The following PWWP2A variants were observed in gnomAD, a reference collection of about 807,000 sequenced individuals.
The protein encoded by PWWP2A is PWWP domain-containing protein 2A.
Under a neutral mutation model 48.5 loss-of-function variants are expected in PWWP2A, and 18 were observed. That is an observed-to-expected ratio of 0.37 (90% CI 0.26 to 0.55). PWWP2A has a LOEUF of 0.55. Ranked by LOEUF, PWWP2A falls within the 20% of genes least tolerant of loss-of-function variation. The pLI, the probability that PWWP2A is intolerant of heterozygous loss-of-function variation, is 0.81. For missense variants in PWWP2A, 867 were observed against 976.4 expected (o/e 0.89, Z 1.49); for synonymous variants, 396 against 387.7 (o/e 1.02, Z -0.25).
chr5:160,089,953 A>T, downstream of PWWP2A: 3 of 985,050 alleles, frequency 3.0e-6, no homozygotes, highest in Non-Finnish European at 3.6e-6. Context: ...CATTGGAATA[A>T]AAGTTTTTAA....
At chr5:160,110,220 C>T (rs1486908797) in intron 1 of PWWP2A, among the ~76,000 whole-genome samples, 1 of 151,726 alleles carries the variant, frequency 6.6e-6, no homozygotes, top group Non-Finnish European at 1.5e-5. Flanking sequence ...GATAGGGTAT[C>T]ACCATGTTGG....
At position 160,110,037 on chromosome 5, in the gene PWWP2A, T is replaced by C. The variant is rs192443917; in HGVS notation, c.584+8768A>G. On this transcript the variant is annotated intron_variant, in intron 1 of 1. Transcript: ENST00000307063. The stretch of plus-strand genomic sequence containing the variant: ...GACAGTCCTTTTTTTTTTTCTTTTT[T>C]TGAGATAGAGTCTTGCTCTGTCACC... 1.1e-3 allele frequency among the ~76,000 whole-genome samples: 164 copies of C among 151,520 alleles called. 1 individual carries two copies. The East Asian group carries it at 0.025, about 23-fold the overall frequency.
intron 1 of PWWP2A, among the ~76,000 whole-genome samples, chr5:160,094,873 C>T (rs535806657): frequency 1.6e-3 from 248 of 151,618 alleles, no homozygotes; most frequent in African/African-American, 5.7e-3. Flanking sequence ...CGGTGAAACC[C>T]CGTCTCTACT....
Position 160,096,607 on chromosome 5 carries a change from G to T in PWWP2A, c.585-2542C>A, listed in dbSNP as rs575240905. Among the ~76,000 whole-genome samples, 52 of 152,270 alleles carry T rather than the reference G, an allele frequency of 3.4e-4. 2 individuals are homozygous for T. The highest frequency in any genetic ancestry group is 7.2e-4 in the Admixed American group (11 of 15,292). ...TCACGTTTCAATACCTGAATGAAGA[G>T]AAGTGCCCTTCCTCTTACTGATTTA... On this transcript the variant is annotated intron_variant, in intron 1 of 1. Transcript: ENST00000307063.
At chr5:160,118,738 G>T in intron 1 of PWWP2A, 67 bp downstream of exon 1, 1 of 1,337,020 alleles carries the variant, frequency 7.5e-7, no homozygotes, top group Non-Finnish European at 9.6e-7. Context: ...GGGAGAGGGG[G>T]CCGCCCGGGC....
intron 5 of PWWP2A, among the ~76,000 whole-genome samples, chr5:160,063,035 T>TGTG (rs1341022062): frequency 6.6e-6 from 1 of 152,192 alleles, no homozygotes; most frequent in Admixed American, 6.5e-5. Context: ...ACAGAACGTG[T>TGTG]GTGTCCCAGG....
At chr5:160,113,255 T>C (rs916891177) in intron 1 of PWWP2A, 6 of 981,042 alleles carry the variant, frequency 6.1e-6, no homozygotes, top group Non-Finnish European at 7.3e-6. Flanking sequence ...GAGTTATGTA[T>C]GTCCAGCTCC....
chr5:160,114,695 C>T (rs897588359), intron 1 of PWWP2A, among the ~76,000 whole-genome samples: 8 of 148,270 alleles, frequency 5.4e-5, no homozygotes, highest in African/African-American at 1.7e-4. Context: ...CCCAGGAGGC[C>T]GAGGTTGCAG....
intron 1 of PWWP2A, among the ~76,000 whole-genome samples, chr5:160,104,122 C>CAAAAAAAAAAAAAAAAA (rs70990703): frequency 3.2e-5 from 2 of 61,758 alleles, no homozygotes; most frequent in Non-Finnish European, 5.7e-5. Context: ...GACTCTGTCT[C>CAAAAAAAAAAAAAAAAA]AAAAAAAAAA....
At chr5:160,048,648 G>C in the PWWP2A span, among the ~76,000 whole-genome samples, 1 of 152,144 alleles carries the variant, frequency 6.6e-6, no homozygotes, top group African/African-American at 2.4e-5. Flanking sequence ...GATTTAACTA[G>C]AAATATAATC....
rs775649945 is a variant in PWWP2A at position 160,091,990 on chromosome 5, ATG to A, written c.*390_*391del. The A allele has an allele frequency of 3.0e-6, 2 of 675,062 alleles. No individual in the cohort carries two copies. The highest frequency in any genetic ancestry group is 3.6e-6 in the Non-Finnish European group (2 of 552,028). 41.8% of individuals were successfully genotyped at this position (675,062 alleles called of 1,614,324 possible). A position where few individuals can be genotyped will look rare whatever the true frequency, so the allele number is the denominator to read the frequency against. ...TATATATGTGTATATATACATATAT[ATG>A]TGTGTATATATACATACACGGATAT... On this transcript the variant is annotated 3_prime_UTR_variant, in exon 2 of 2. Transcript: ENST00000307063.
downstream of PWWP2A, among the ~76,000 whole-genome samples, chr5:160,072,533 C>T (rs1753762978): frequency 6.6e-6 from 1 of 152,130 alleles, no homozygotes; most frequent in African/African-American, 2.4e-5. Context: ...TTTAGAACTA[C>T]CTGGATAACA....
intron 1 of PWWP2A, among the ~76,000 whole-genome samples, chr5:160,118,226 A>G (rs1171032610): frequency 6.6e-6 from 1 of 152,230 alleles, no homozygotes; most frequent in East Asian, 1.9e-4. Context: ...TCTCTGTTGA[A>G]TGGTTAACCT....
rs535110852 is a variant in PWWP2A at position 160,115,137 on chromosome 5, C to CAAAAA, written c.584+3663_584+3667dup. On this transcript the variant is annotated intron_variant, in intron 1 of 1. Coordinates refer to ENST00000307063, the MANE Select transcript of PWWP2A (RefSeq NM_001130864.2). ...CCTGGGTAACAGAGGGAGACTCTGT[C>CAAAAA]AAAAAAAAAAAAAAAAAAAAAAAAA... is the stretch of plus-strand genomic sequence containing the variant. 5.4e-3 allele frequency among the ~76,000 whole-genome samples: 481 copies of CAAAAA among 88,334 alleles called. 43 individuals carry two copies. Among genetic ancestry groups the CAAAAA allele is most frequent in the African/African-American group, 0.017 (304 of 17,514 alleles). 58.0% of individuals were successfully genotyped at this position (88,334 alleles called of 152,430 possible). A position where few individuals can be genotyped will look rare whatever the true frequency, so the allele number is the denominator to read the frequency against.
chr5:160,079,062 A>C (rs576151172), intron 3 of PWWP2A, among the ~76,000 whole-genome samples: 4 of 152,318 alleles, frequency 2.6e-5, no homozygotes, highest in African/African-American at 9.6e-5. Flanking sequence ...CACGAGTTTG[A>C]GTTCCAAAAG....
At chr5:160,089,443 C>T, downstream of PWWP2A, 1 of 881,442 alleles carries the variant, frequency 1.1e-6, no homozygotes, top group Non-Finnish European at 1.5e-6. Flanking sequence ...AACTCCGGGC[C>T]TCAAGCAATC....
chr5:160,052,272 G>C, the PWWP2A span, among the ~76,000 whole-genome samples: 1 of 152,194 alleles, frequency 6.6e-6, no homozygotes, highest in African/African-American at 2.4e-5. Flanking sequence ...AGGAGGCCAA[G>C]GTAGGAGGAT....
At position 160,081,240 on chromosome 5, in the gene PWWP2A, T is replaced by C. The variant is rs867182305; in HGVS notation, c.1550-470A>G. ...ATAATTAATGAGCTCAATGACCCCC[T>C]TTTTTTTTTTTTTTTTTTGAGACAG... On this transcript the variant is annotated intron_variant, in intron 2 of 3. Coordinates refer to the PWWP2A transcript ENST00000456329. 7.1e-4 allele frequency among the ~76,000 whole-genome samples: 56 copies of C among 78,606 alleles called. 1 individual carries two copies. In the South Asian group the frequency reaches 0.014, roughly 20 times the overall value. 51.6% of individuals were successfully genotyped at this position (78,606 alleles called of 152,430 possible). A position where few individuals can be genotyped will look rare whatever the true frequency, so the allele number is the denominator to read the frequency against.
At chr5:160,118,051 T>A (rs1758314624) in intron 1 of PWWP2A, 1 of 165,694 alleles carries the variant, frequency 6.0e-6, no homozygotes, top group African/African-American at 2.4e-5. Context: ...AATTTGTAGA[T>A]GAACTCAACC....
Sources: gnomAD v4.1 joint callset for allele counts (sites outside exome capture counted in the v4.1 genomes callset) on GRCh38, gnomAD v4.1.1 for gene constraint, MANE v1.5 for transcripts, NCBI Gene and HGNC (gene_info 2026-07-23, HGNC 2026-07-21) for gene names.